Variants in NAT10 observed in about 807,000 individuals in gnomAD.
NAT10 encodes N-acetyltransferase 10.
In NAT10, 109 loss-of-function variants were observed where a neutral mutation model predicts 132.2. The ratio of observed to expected loss-of-function variants is 0.82; its 90% CI spans 0.71 to 0.97. NAT10 has a LOEUF of 0.97. Among genes scored for constraint, NAT10 ranks in the 50% least tolerant of loss-of-function variants. The pLI is 0.00. For missense variants in NAT10, 1,184 were observed against 1,263.4 expected (o/e 0.94, Z 0.95); for synonymous variants, 479 against 478.0 (o/e 1.00, Z -0.03).
chr11:34,138,655 C>G (rs998923395), intron 21 of NAT10, among the ~76,000 whole-genome samples: 2 of 152,084 alleles, frequency 1.3e-5, no homozygotes, highest in African/African-American at 4.8e-5. Flanking sequence ...TCATTTGTGA[C>G]TTGGTGGTGT....
At chr11:34,123,339 A>G (rs1475149131) in intron 9 of NAT10, among the ~76,000 whole-genome samples, 1 of 152,260 alleles carries the variant, frequency 6.6e-6, no homozygotes, top group Non-Finnish European at 1.5e-5. Flanking sequence ...AGCCATTAGC[A>G]TCTGCTGTTA....
rs757042673 is a variant in NAT10, at chr11:34,118,199, T to C, written c.577T>C (p.Ser193Pro). 1 of 1,614,150 alleles carries C rather than the reference T, an allele frequency of 6.2e-7. No individual in the cohort carries two copies. The highest frequency in any genetic ancestry group is 2.2e-5 in the East Asian group (1 of 44,882). ...FNERFILSLA[S>P]CKKCLVIDDQ... Reference sequence around the variant, plus strand: ...TCTCAGGTTTATTCTGTCTCTGGCCTCTTGTAAGAAGTGTCTCGTCATTGA... The same window carrying C: ...TCTCAGGTTTATTCTGTCTCTGGCCCCTTGTAAGAAGTGTCTCGTCATTGA... Residue 193 changes from serine to proline, a missense_variant, in exon 7 of 29, where the codon TCT (serine) becomes CCT (proline). Physicochemically the swap from Ser to Pro is moderately conservative, Grantham distance 74 (BLOSUM62 -1). Transcript: ENST00000257829.
intron 21 of NAT10, chr11:34,138,874 G>C: frequency 3.2e-6 from 1 of 312,056 alleles, no homozygotes; most frequent in Non-Finnish European, 6.1e-6. Context: ...ATCTACCTGA[G>C]AGGAGCACAT....
intron 11 of NAT10, 151 bp from the exon 12 acceptor site, chr11:34,127,312 C>A: frequency 2.3e-6 from 2 of 872,076 alleles, no homozygotes; most frequent in Non-Finnish European, 1.7e-6. Flanking sequence ...CCCATTTTTG[C>A]CCTGCCAGGA....
At chr11:34,118,855 C>T (rs1851833773) in intron 8 of NAT10, among the ~76,000 whole-genome samples, 1 of 152,184 alleles carries the variant, frequency 6.6e-6, no homozygotes, top group South Asian at 2.1e-4. Context: ...AGCAGTTCTC[C>T]TGCCTCAACC....
intron 28 of NAT10, among the ~76,000 whole-genome samples, chr11:34,144,668 C>A (rs1852402489): frequency 6.6e-6 from 1 of 152,190 alleles, no homozygotes; most frequent in Non-Finnish European, 1.5e-5. Flanking sequence ...AATCTTCACT[C>A]CAAGCTTCTT....
chr11:34,137,598 T>C (rs899364581), intron 21 of NAT10, among the ~76,000 whole-genome samples: 1 of 152,214 alleles, frequency 6.6e-6, no homozygotes, highest in African/African-American at 2.4e-5. Context: ...ACGGAGCTCT[T>C]GTCTGTTGTG....
At chr11:34,122,302 T>G (rs1851908606) in intron 8 of NAT10, among the ~76,000 whole-genome samples, 157 bp from the exon 9 acceptor site, 1 of 151,580 alleles carries the variant, frequency 6.6e-6, no homozygotes, top group Admixed American at 6.6e-5. Context: ...ACCAAGGGAG[T>G]GAGAAGTCCA....
chr11:34,132,501 G>T (rs1301914033), intron 15 of NAT10, among the ~76,000 whole-genome samples: 1 of 91,214 alleles, frequency 1.1e-5, no homozygotes, highest in Non-Finnish European at 3.3e-5. Context: ...GTTGTGGCCC[G>T]GTGGTGCAGT....
chr11:34,117,811 A>G (rs114415712), intron 6 of NAT10, among the ~76,000 whole-genome samples: 6 of 151,820 alleles, frequency 4.0e-5, no homozygotes, highest in Admixed American at 6.6e-5. Flanking sequence ...TGGTGATCAT[A>G]TGGGGGTTGG....
At chr11:34,130,283 G>A (rs1474663011) in intron 12 of NAT10, among the ~76,000 whole-genome samples, 1 of 151,868 alleles carries the variant, frequency 6.6e-6, no homozygotes, top group Non-Finnish European at 1.5e-5. Context: ...CTTATAAGTG[G>A]GCATAGCAAT....
intron 3 of NAT10, among the ~76,000 whole-genome samples, chr11:34,111,576 C>T (rs541373750): frequency 5.8e-4 from 88 of 152,044 alleles, no homozygotes; most frequent in Admixed American, 5.3e-3. Flanking sequence ...TAAGACCTGC[C>T]CTTGAAGACA....
At chr11:34,144,500 T>G in intron 28 of NAT10, among the ~76,000 whole-genome samples, 1 of 152,196 alleles carries the variant, frequency 6.6e-6, no homozygotes, top group East Asian at 1.9e-4. Context: ...ACTATTTTGC[T>G]GTCATATCTT....
At position 34,118,189 on chromosome 11, in the gene NAT10, G is replaced by C. The variant is rs1443027609; in HGVS notation, c.567G>C (p.Leu189=). 1.9e-6 allele frequency: 3 copies of C among 1,613,592 alleles called. No individual in the cohort carries two copies. In the Admixed American group the frequency reaches 5.0e-5, roughly 27 times the overall value. Residue 189 remains leucine (L), a synonymous_variant, in exon 7 of 29, where the codon CTG becomes CTC. Transcript: ENST00000257829. ...CGGTTTTGTATCTCAGGTTTATTCT[G>C]TCTCTGGCCTCTTGTAAGAAGTGTC... The part of the protein sequence containing the change: ...VVGRFNERFI[L]SLASCKKCLV...
chr11:34,121,841 AG>A (rs1851898996), intron 8 of NAT10, among the ~76,000 whole-genome samples: 1 of 98,620 alleles, frequency 1.0e-5, no homozygotes. Flanking sequence ...GCCTGGTGAC[AG>A]AGCGAGACTC....
At chr11:34,134,229 T>C in intron 16 of NAT10, 90 bp from the exon 17 acceptor site, 1 of 1,093,552 alleles carries the variant, frequency 9.1e-7, no homozygotes, top group African/African-American at 1.5e-5. Flanking sequence ...TGGAAACAAC[T>C]GGCCTAGTTC....
At position 34,134,334 on chromosome 11, in the gene NAT10, G is replaced by A; in HGVS notation, c.1750G>A (p.Glu584Lys). 1 of 1,614,248 alleles carries A rather than the reference G, an allele frequency of 6.2e-7. No individual in the cohort carries two copies. Among genetic ancestry groups the A allele is most frequent in the East Asian group, 2.2e-5 (1 of 44,880 alleles). The change falls in exon 17 of 29, where the codon GAG (glutamate) becomes AAG (lysine). Residue 584 changes from glutamate (E) to lysine (K), a missense_variant. Glu to Lys is a moderately conservative substitution (Grantham distance 56). Coordinates refer to ENST00000257829, the MANE Select transcript of NAT10 (RefSeq NM_024662.3). Reference sequence around the variant, plus strand: ...TCCCCCACAGGTGTGCCTTGAAGGGGAGATTTCTCGCCAGTCCATCTTGAA... The same window carrying A: ...TCCCCCACAGGTGTGCCTTGAAGGGAAGATTTCTCGCCAGTCCATCTTGAA... ...LAVIQVCLEG[E>K]ISRQSILNSL...
At chr11:34,135,031 A>T (rs995682312) in intron 18 of NAT10, 144 bp from the exon 19 acceptor site, 3 of 686,046 alleles carry the variant, frequency 4.4e-6, no homozygotes, top group Non-Finnish European at 7.7e-6. Context: ...CTTTGACCTC[A>T]CTCAGGGTTT....
rs761045081 is a variant in NAT10 at position 34,108,748 on chromosome 11, A to G, written c.115A>G (p.Ile39Val). ...VGDRGKDQVV[I>V]LHHMLSKATV... ...TGACTTTTTTGTTTGGCAGGTGGTA[A>G]TACTTCATCACATGTTATCCAAAGC... Residue 39 changes from isoleucine to valine, a missense_variant, in exon 3 of 29, where the codon ATA becomes GTA. Physicochemically the swap from Ile to Val is conservative, Grantham distance 29. Coordinates refer to ENST00000257829, the MANE Select transcript of NAT10 (RefSeq NM_024662.3). The G allele has an allele frequency of 1.2e-6, 2 of 1,611,232 alleles. No individual in the cohort carries two copies. The highest frequency in any genetic ancestry group is 1.7e-5 in the Admixed American group (1 of 59,184).
Sources: allele counts gnomAD v4.1 joint callset (sites outside exome capture counted in the v4.1 genomes callset), GRCh38; gene constraint gnomAD v4.1.1; transcripts MANE v1.5; gene names NCBI Gene and HGNC (gene_info 2026-07-23, HGNC 2026-07-21).